The following SLC44A4 variants were observed in gnomAD, a reference collection of about 807,000 sequenced individuals.
The protein encoded by SLC44A4 is solute carrier family 44 member 4.
In SLC44A4, 74 loss-of-function variants were observed where a neutral mutation model predicts 97.0. That is an observed-to-expected ratio of 0.76 (90% CI 0.63 to 0.93). The LOEUF (loss-of-function observed/expected upper bound fraction) is 0.93, where lower values mean the gene tolerates loss of function less well. Ranked by LOEUF, SLC44A4 falls within the 40% of genes least tolerant of loss-of-function variation. SLC44A4 has a pLI of 0.00. For missense variants in SLC44A4, 799 were observed against 902.9 expected, an observed-to-expected ratio of 0.88 and a Z score of 1.48; for synonymous variants, 325 against 363.8, an observed-to-expected ratio of 0.89 and a Z score of 1.21.
Position 31,863,487 on chromosome 6 carries a change from A to C in SLC44A4, c.*140T>G. 8.1e-7 allele frequency: 1 copy of C among 1,237,198 alleles called. No individual in the cohort carries two copies. The highest frequency in any genetic ancestry group is 1.1e-6 in the Non-Finnish European group (1 of 926,184). 76.6% of individuals were successfully genotyped at this position (1,237,198 alleles called of 1,614,324 possible). ...GTGATCCGCCCGCCTCAGCCTCTCA[A>C]AGTGTTGGATTACAGGCGTGAGCCA... On this transcript the variant is annotated 3_prime_UTR_variant, in exon 21 of 21. Transcript: ENST00000229729.
At chr6:31,864,939 G>A (rs996758652) in intron 18 of SLC44A4, 29 bp from the exon 19 acceptor site, 2 of 1,613,610 alleles carry the variant, frequency 1.2e-6, no homozygotes, top group Non-Finnish European at 1.7e-6. Context: ...GGTTAGTGCT[G>A]CACCTCTGAG....
At position 31,871,334 on chromosome 6, in the gene SLC44A4, C is replaced by T. The variant is rs1486431674; in HGVS notation, c.681G>A (p.Gln227=). The part of the protein sequence containing the change: ...ISVKIFEDFA[Q]SWYWILVALG... ...CTCACACAAGAATCCAATACCAGGA[C>T]TGGGCAAAATCTTCAAAGATCTTAA... is the stretch of plus-strand genomic sequence containing the variant. The change falls in exon 9 of 21, where the codon CAG becomes CAA. Residue 227 remains glutamine (Q), a synonymous_variant. Coordinates refer to ENST00000229729, the MANE Select transcript of SLC44A4 (RefSeq NM_025257.3). The T allele has an allele frequency of 2.5e-6, 4 of 1,614,108 alleles. No homozygotes were observed. Among genetic ancestry groups the T allele is most frequent in the Non-Finnish European group, 3.4e-6 (4 of 1,180,008 alleles).
In SLC44A4 at chr6:31,878,084, T is replaced by A. The variant is rs1412820204; in HGVS notation, c.40+857A>T. On this transcript the variant is annotated intron_variant, in intron 1 of 20. Coordinates refer to ENST00000229729, the MANE Select transcript of SLC44A4 (RefSeq NM_025257.3). The surrounding 1 kb of genome is among the most constrained non-coding windows in gnomAD (Gnocchi z 4.0). The stretch of plus-strand genomic sequence containing the variant: ...GACCAGGGGGGCCTCCGCAGGTGAG[T>A]CCCCAGCCTTCACTGCTCGTGGGGA... 6.6e-6 allele frequency: 1 copy of A among 151,666 alleles called. No individual in the cohort carries two copies. Among genetic ancestry groups the A allele is most frequent in the African/African-American group, 2.4e-5 (1 of 41,196 alleles). 9.4% of individuals were successfully genotyped at this position (151,666 alleles called of 1,614,324 possible).
Position 31,874,671 on chromosome 6 carries a change from C to G in SLC44A4, c.468+50G>C, listed in dbSNP as rs767948915. 3 of 1,569,584 alleles carry G rather than the reference C, an allele frequency of 1.9e-6. No individual in the cohort carries two copies. In the Admixed American group the frequency reaches 5.5e-5, roughly 29 times the overall value. ...ACCCAACTCCCCCTCCCTCTCGTGCCCACCCTGGCCCTTCTGGGCGACAGT... is the reference window on the plus strand; with the variant it reads ...ACCCAACTCCCCCTCCCTCTCGTGCGCACCCTGGCCCTTCTGGGCGACAGT... On this transcript the variant is annotated intron_variant, in intron 6 of 20. Transcript: ENST00000229729. This position sits in a 1 kb window ranked among gnomAD's most constrained non-coding sequence, Gnocchi z 4.8.
Position 31,870,945 on chromosome 6 carries a change from C to A in SLC44A4, c.804G>T (p.Val268=), listed in dbSNP as rs1338569491. ...AGCAGTAGTAGATGCCGTATGCCAG[C>A]ACGCCCAGCACTCCCAGGATCAGCA... ...VLVLILGVLG[V]LAYGIYYCWE... The change falls in exon 10 of 21, where the codon GTG becomes GTT. Residue 268 remains valine, a synonymous_variant. Coordinates refer to ENST00000229729, the MANE Select transcript of SLC44A4 (RefSeq NM_025257.3). The A allele has an allele frequency of 6.2e-7, 1 of 1,612,998 alleles. No homozygotes were observed. Among genetic ancestry groups the A allele is most frequent in the Admixed American group, 1.7e-5 (1 of 60,002 alleles).
At position 31,866,038 on chromosome 6, in the gene SLC44A4, T is replaced by C. The variant is rs776195164; in HGVS notation, c.1322A>G (p.Asn441Ser). The C allele has an allele frequency of 3.6e-5, 58 of 1,614,078 alleles. No homozygotes were observed. The highest frequency in any genetic ancestry group is 4.7e-5 in the Non-Finnish European group (56 of 1,180,028). The change falls in exon 14 of 21, where the codon AAT becomes AGT. Residue 441 changes from asparagine to serine, a missense_variant. Asn to Ser is a conservative substitution (Grantham distance 46, BLOSUM62 1). Around this residue, in one of 3 missense-constraint regions of SLC44A4, gnomAD observed 379 missense variants for 438.3 expected, o/e 0.86. Transcript: ENST00000229729. ...CCCCAGGACCCCATAGATTTGCAGATTGAAGACAGAACGTTGGATTAGGCC... is the reference window on the plus strand; with the variant it reads ...CCCCAGGACCCCATAGATTTGCAGACTGAAGACAGAACGTTGGATTAGGCC... ...SKGLIQRSVF[N>S]LQIYGVLGLF...
chr6:31,877,163 C>A lies in SLC44A4; in HGVS notation c.41-81G>T. On this transcript the variant is annotated intron_variant, in intron 1 of 20. Coordinates refer to ENST00000229729, the MANE Select transcript of SLC44A4 (RefSeq NM_025257.3). The surrounding 1 kb of genome is among the most constrained non-coding windows in gnomAD (Gnocchi z 6.5). ...TGCTGAGTCCTCCTAGCCCCAGGATCCTACCCAGGCCTCAGGTGTTTGGAG... is the reference window on the plus strand; with the variant it reads ...TGCTGAGTCCTCCTAGCCCCAGGATACTACCCAGGCCTCAGGTGTTTGGAG... 1.4e-6 allele frequency: 2 copies of A among 1,424,212 alleles called. No homozygotes were observed. The highest frequency in any genetic ancestry group is 1.2e-5 in the South Asian group (1 of 80,496). 88.2% of individuals were successfully genotyped at this position (1,424,212 alleles called of 1,614,324 possible).
At chr6:31,864,286 G>A (rs1034513530) in intron 20 of SLC44A4, among the ~76,000 whole-genome samples, 27 of 152,166 alleles carry the variant, frequency 1.8e-4, no homozygotes, top group Admixed American at 1.6e-3. Context: ...TGTGGGCCAG[G>A]CTGGTCTCGA....
At chr6:31,872,942 A>G (rs1763253513) in intron 7 of SLC44A4, among the ~76,000 whole-genome samples, 1 of 151,860 alleles carries the variant, frequency 6.6e-6, no homozygotes. Flanking sequence ...CAGTGGCACC[A>G]TCTCGGCTCA....
chr6:31,870,561 A>C (rs779913113), intron 11 of SLC44A4, 42 bp downstream of exon 11: 253 of 1,517,518 alleles, frequency 1.7e-4, no homozygotes, highest in Non-Finnish European at 2.1e-4. Flanking sequence ...TCCTGGGTCC[A>C]CGCTGTCCTC....
rs779511700 is a variant in SLC44A4 at position 31,865,903 on chromosome 6, G to A, written c.1457C>T (p.Pro486Leu). The change falls in exon 14 of 21, where the codon CCC becomes CTC. Residue 486 changes from proline to leucine, a missense_variant. Coordinates refer to ENST00000229729, the MANE Select transcript of SLC44A4 (RefSeq NM_025257.3). This position sits in a 1 kb window ranked among gnomAD's most constrained non-coding sequence, Gnocchi z 5.2. ...FHKPQDIPTF[P>L]LISAFIRTLR... ...TGTGCGGATGAAGGCAGAGATTAAG[G>A]GGAAGGTAGGGATGTCCTGGGGCTT... 46 of 1,614,090 alleles carry A rather than the reference G, an allele frequency of 2.8e-5. No individual in the cohort carries two copies. The highest frequency in any genetic ancestry group is 3.7e-5 in the Non-Finnish European group (44 of 1,180,040).
chr6:31,868,097 A>G (rs1762958235), intron 13 of SLC44A4, among the ~76,000 whole-genome samples: 1 of 152,190 alleles, frequency 6.6e-6, no homozygotes, highest in Non-Finnish European at 1.5e-5. Context: ...GATTACAGGC[A>G]TGAGCCACCG....
rs1233099041 is a variant in SLC44A4 at position 31,876,510 on chromosome 6, A to T, written c.90-381T>A. ...ACGACTGTAATACTAGCTACTTGGG[A>T]GGCTGAGGCAGGGCAATCCCTTGAG... On this transcript the variant is annotated intron_variant, in intron 2 of 20. Coordinates refer to ENST00000229729, the MANE Select transcript of SLC44A4 (RefSeq NM_025257.3). The surrounding 1 kb of genome is among the most constrained non-coding windows in gnomAD (Gnocchi z 4.8). Among the ~76,000 whole-genome samples, 1 of 152,086 alleles carries T rather than the reference A, an allele frequency of 6.6e-6. No homozygotes were observed. The highest frequency in any genetic ancestry group is 1.5e-5 in the Non-Finnish European group (1 of 68,016).
Position 31,876,037 on chromosome 6 carries a change from T to C in SLC44A4, c.163+19A>G, listed in dbSNP as rs1174980439. ...TGTCCCTCACCCACTGCCCTGGCTC[T>C]GAGCAGCTGGAAACTCACCCACAAT... On this transcript the variant is annotated intron_variant, in intron 3 of 20. Coordinates refer to ENST00000229729, the MANE Select transcript of SLC44A4 (RefSeq NM_025257.3). This position sits in a 1 kb window ranked among gnomAD's most constrained non-coding sequence, Gnocchi z 4.8. 1 of 1,614,004 alleles carries C rather than the reference T, an allele frequency of 6.2e-7. No individual in the cohort carries two copies.
chr6:31,863,591 G>C lies in SLC44A4; in HGVS notation c.*36C>G. On this transcript the variant is annotated 3_prime_UTR_variant, in exon 21 of 21. Transcript: ENST00000229729. Reference sequence around the variant, plus strand: ...AGTGAGGTTGGATGGCTGGACGGTGGGGGTGGGGTGCAGTCCTGGATCAGG... The same window carrying C: ...AGTGAGGTTGGATGGCTGGACGGTGCGGGTGGGGTGCAGTCCTGGATCAGG... 1.9e-6 allele frequency: 3 copies of C among 1,578,408 alleles called. No homozygotes were observed. The highest frequency in any genetic ancestry group is 2.3e-5 in the South Asian group (2 of 87,248).
chr6:31,870,481 G>A (rs1763095171), intron 11 of SLC44A4, 122 bp downstream of exon 11: 1 of 725,136 alleles, frequency 1.4e-6, no homozygotes. Flanking sequence ...GTTCACCACT[G>A]TGCTATATTC....
chr6:31,871,403 G>T lies in SLC44A4; in HGVS notation c.618-6C>A, dbSNP rs753416594. 30 of 1,614,016 alleles carry T rather than the reference G, an allele frequency of 1.9e-5. No homozygotes were observed. Among genetic ancestry groups the T allele is most frequent in the Middle Eastern group, 1.6e-4 (1 of 6,084 alleles). On this transcript the variant is annotated splice_polypyrimidine_tract_variant and splice_region_variant and intron_variant, in intron 8 of 20. Coordinates refer to ENST00000229729, the MANE Select transcript of SLC44A4 (RefSeq NM_025257.3). ...TGAGGCTGTCAATAAGACCGCTGTTGGGGAGACAGAGTCAGATGGGGCTGT... is the reference window on the plus strand; with the variant it reads ...TGAGGCTGTCAATAAGACCGCTGTTTGGGAGACAGAGTCAGATGGGGCTGT...
chr6:31,864,961 AGCT>A (rs1487867274), intron 18 of SLC44A4, 46 bp downstream of exon 18: 1 of 1,613,762 alleles, frequency 6.2e-7, no homozygotes, highest in Admixed American at 1.7e-5. Flanking sequence ...CCACCTCTTC[AGCT>A]GCCCAGCACC....
chr6:31,871,119 T>G, intron 9 of SLC44A4, 72 bp from the exon 10 acceptor site: 1 of 1,425,086 alleles, frequency 7.0e-7, no homozygotes, highest in Non-Finnish European at 9.7e-7. Flanking sequence ...AGGCCCTCCC[T>G]GCCTTTCCAC....
Sources: allele counts gnomAD v4.1 joint callset (sites outside exome capture counted in the v4.1 genomes callset), GRCh38; gene constraint gnomAD v4.1.1; regional missense constraint gnomAD v4.1.1; non-coding constraint Gnocchi (gnomAD v3.1); transcripts MANE v1.5; gene names NCBI Gene and HGNC (gene_info 2026-07-23, HGNC 2026-07-21).